ACER3: variants seen among roughly 807,000 people sequenced by gnomAD.
The protein encoded by ACER3 is alkaline ceramidase 3.
ACER3 carries 16 observed loss-of-function variants against 48.9 expected under a neutral mutation model. The ratio of observed to expected loss-of-function variants is 0.33; its 90% CI spans 0.22 to 0.50. The LOEUF (loss-of-function observed/expected upper bound fraction) is 0.50, where lower values mean the gene tolerates loss of function less well. Ranked by LOEUF, ACER3 falls within the 20% of genes least tolerant of loss-of-function variation. The pLI is 0.98. For missense variants in ACER3, 227 were observed against 326.0 expected (o/e 0.70, Z 2.34); for synonymous variants, 109 against 107.8 (o/e 1.01, Z -0.07).
At chr11:76,871,507 T>A (rs1272510701) in intron 1 of ACER3, among the ~76,000 whole-genome samples, 2 of 152,202 alleles carry the variant, frequency 1.3e-5, no homozygotes, top group African/African-American at 4.8e-5. Context: ...GATTTAAAGA[T>A]TTTCTGATTG....
At chr11:77,011,826 CATG>C (rs1949270772) in intron 7 of ACER3, among the ~76,000 whole-genome samples, 1 of 152,140 alleles carries the variant, frequency 6.6e-6, no homozygotes, top group Middle Eastern at 3.4e-3. Context: ...AGAAAAATTA[CATG>C]ATATCAAGAT....
At chr11:76,893,811 C>CT (rs1324174797) in intron 1 of ACER3, among the ~76,000 whole-genome samples, 1 of 152,138 alleles carries the variant, frequency 6.6e-6, no homozygotes, top group African/African-American at 2.4e-5. Flanking sequence ...TTCAAACTAC[C>CT]TTTTTTTAAT....
intron 1 of ACER3, among the ~76,000 whole-genome samples, chr11:76,918,539 T>C (rs1946599635): frequency 6.6e-6 from 1 of 152,024 alleles, no homozygotes; most frequent in African/African-American, 2.4e-5. Context: ...TAAGTAGTTA[T>C]GTGGGGTTTT....
intron 1 of ACER3, among the ~76,000 whole-genome samples, chr11:76,901,689 G>A (rs1015779334): frequency 1.3e-5 from 2 of 152,162 alleles, no homozygotes; most frequent in Non-Finnish European, 2.9e-5. Flanking sequence ...GGTCGTGATC[G>A]ATTGAGCAAG....
At chr11:76,921,189 G>A (rs6592682) in intron 1 of ACER3, among the ~76,000 whole-genome samples, 2 of 151,934 alleles carry the variant, frequency 1.3e-5, no homozygotes, top group African/African-American at 4.8e-5. Flanking sequence ...ATGTCCTACT[G>A]AAAAAAATCA....
chr11:76,937,959 A>G (rs1002999645), intron 2 of ACER3, among the ~76,000 whole-genome samples: 6 of 152,250 alleles, frequency 3.9e-5, no homozygotes, highest in African/African-American at 2.4e-5. Context: ...GGGTATAGCA[A>G]TTCTGAAGCT....
Position 77,021,990 on chromosome 11 carries a change from A to G in ACER3, c.*1663A>G, listed in dbSNP as rs1384440155. The G allele has an allele frequency of 1.3e-5, 2 of 152,180 alleles. No individual in the cohort carries two copies. Among genetic ancestry groups the G allele is most frequent in the African/African-American group, 2.4e-5 (1 of 41,442 alleles). 9.4% of individuals were successfully genotyped at this position (152,180 alleles called of 1,614,324 possible). On this transcript the variant is annotated 3_prime_UTR_variant, in exon 11 of 11. Transcript: ENST00000532485. ...CCTTAAGAGGGTATAAAACTAAACCATTTGAAGGCACAGCCCATAAGACTA... is the reference window on the plus strand; with the variant it reads ...CCTTAAGAGGGTATAAAACTAAACCGTTTGAAGGCACAGCCCATAAGACTA...
At chr11:76,872,445 CT>C (rs1945266431) in intron 1 of ACER3, among the ~76,000 whole-genome samples, 1 of 152,108 alleles carries the variant, frequency 6.6e-6, no homozygotes, top group African/African-American at 2.4e-5. Context: ...TCCCTTACCA[CT>C]TTTTTAGACC....
chr11:77,024,168 A>C lies in ACER3; in HGVS notation c.*3841A>C, dbSNP rs1457389949. 4 of 149,024 alleles carry C rather than the reference A, an allele frequency of 2.7e-5. No individual in the cohort carries two copies. Among genetic ancestry groups the C allele is most frequent in the Non-Finnish European group, 4.5e-5 (3 of 67,110 alleles). The allele number at this position is 149,024 out of a possible 1,614,324, so 9.2% of individuals were successfully genotyped here. ...GGAGCTGCAAAATGAAAAAAAAAAA[A>C]AAAAGGAATCATGTCATCTTGACCC... On this transcript the variant is annotated 3_prime_UTR_variant, in exon 11 of 11. Transcript: ENST00000532485.
intron 3 of ACER3, among the ~76,000 whole-genome samples, chr11:76,976,025 A>C (rs1948434128): frequency 6.6e-6 from 1 of 151,700 alleles, no homozygotes; most frequent in Non-Finnish European, 1.5e-5. Context: ...GACTACAGGC[A>C]CATGCCACTA....
chr11:76,956,699 T>TTC (rs1555010382), intron 2 of ACER3, among the ~76,000 whole-genome samples: 1 of 151,438 alleles, frequency 6.6e-6, no homozygotes, highest in Admixed American at 6.6e-5. Flanking sequence ...TTTTTTTTTT[T>TTC]ACTTCATAGT....
At chr11:77,016,604 TC>T (rs1949373847) in intron 8 of ACER3, 70 bp from the exon 9 acceptor site, 1 of 776,430 alleles carries the variant, frequency 1.3e-6, no homozygotes, top group East Asian at 2.6e-5. Flanking sequence ...TTCAAAATGC[TC>T]TAAGACTATC....
At chr11:76,869,176 G>T (rs941380506) in intron 1 of ACER3, among the ~76,000 whole-genome samples, 1 of 152,198 alleles carries the variant, frequency 6.6e-6, no homozygotes, top group Non-Finnish European at 1.5e-5. Flanking sequence ...GATAATGTTG[G>T]AATTGAATTG....
Position 77,025,412 on chromosome 11 carries a change from T to TATATATATATATATATATA in ACER3, c.*5085_*5086insATATATATATATATATATA, listed in dbSNP as rs575045221. The TATATATATATATATATATA allele has an allele frequency of 3.5e-3, 244 of 69,082 alleles. 2 individuals are homozygous for TATATATATATATATATATA. The highest frequency in any genetic ancestry group is 0.01 in the African/African-American group (235 of 23,318). The allele number at this position is 69,082 out of a possible 1,614,324, so 4.3% of individuals were successfully genotyped here. On this transcript the variant is annotated 3_prime_UTR_variant, in exon 11 of 11. Coordinates refer to ENST00000532485, the MANE Select transcript of ACER3 (RefSeq NM_018367.7). The stretch of plus-strand genomic sequence containing the variant: ...ATTCTTTATATATATATATATATAT[T>TATATATATATATATATATA]TATTTATTTTTTTGAGACAGAGTCT...
At chr11:76,878,236 A>C (rs1193789537) in intron 1 of ACER3, among the ~76,000 whole-genome samples, 1 of 152,040 alleles carries the variant, frequency 6.6e-6, no homozygotes, top group Non-Finnish European at 1.5e-5. Flanking sequence ...AACTTTAACT[A>C]TTAGGTTGGT....
At chr11:76,932,567 A>G (rs1194860011) in intron 2 of ACER3, among the ~76,000 whole-genome samples, 1 of 152,204 alleles carries the variant, frequency 6.6e-6, no homozygotes, top group Non-Finnish European at 1.5e-5. Flanking sequence ...AACAACAATA[A>G]GAACAAAAAG....
At chr11:76,881,670 A>G (rs1158827697) in intron 1 of ACER3, among the ~76,000 whole-genome samples, 1 of 152,106 alleles carries the variant, frequency 6.6e-6, no homozygotes, top group Non-Finnish European at 1.5e-5. Context: ...TATGTTATAA[A>G]CCTCCAAATA....
chr11:76,967,982 G>A (rs1391817177), intron 3 of ACER3, among the ~76,000 whole-genome samples: 1 of 152,210 alleles, frequency 6.6e-6, no homozygotes, highest in East Asian at 1.9e-4. Flanking sequence ...CATTCAATTA[G>A]GAAAAGAGGA....
chr11:76,899,389 T>C (rs1946023045), intron 1 of ACER3, among the ~76,000 whole-genome samples: 1 of 152,378 alleles, frequency 6.6e-6, no homozygotes, highest in Admixed American at 6.5e-5. Context: ...GTAATAGTTA[T>C]ATTGCATGCT....
Sources: gnomAD v4.1 joint callset for allele counts (sites outside exome capture counted in the v4.1 genomes callset) on GRCh38, gnomAD v4.1.1 for gene constraint, MANE v1.5 for transcripts, NCBI Gene and HGNC (gene_info 2026-07-23, HGNC 2026-07-21) for gene names.